Variants in CCDC186 observed in about 807,000 individuals in gnomAD.
CCDC186 encodes the protein coiled-coil domain containing 186.
Under a neutral mutation model 113.7 loss-of-function variants are expected in CCDC186, and 49 were observed. That is an observed-to-expected ratio of 0.43 (90% CI 0.34 to 0.55). CCDC186 has a LOEUF of 0.55. Ranked by LOEUF, CCDC186 falls within the 20% of genes least tolerant of loss-of-function variation. The pLI is 0.02. For synonymous variants in CCDC186, 355 were observed against 345.8 expected, an observed-to-expected ratio of 1.03 and a Z score of -0.30; for missense variants, 890 against 1,011.1, an observed-to-expected ratio of 0.88 and a Z score of 1.62.
At position 114,136,159 on chromosome 10, in the gene CCDC186, C is replaced by T. The variant is rs547094396; in HGVS notation, c.1414G>A (p.Asp472Asn). 9 of 1,612,306 alleles carry T rather than the reference C, an allele frequency of 5.6e-6. No individual in the cohort carries two copies. In the South Asian group the frequency reaches 9.9e-5, roughly 18 times the overall value. Residue 472 changes from aspartate to asparagine, a missense_variant, in exon 8 of 16, where the codon GAC becomes AAC. Transcript: ENST00000369287. ...ELEKQMQEKS[D>N]QLEMHHAKIK... is the part of the protein sequence containing the mutation. Reference sequence around the variant, plus strand: ...GCAAAACTACTCACCTCTAGCTGGTCAGATTTTTCTTGCATTTGTTTTTCA... The same window carrying T: ...GCAAAACTACTCACCTCTAGCTGGTTAGATTTTTCTTGCATTTGTTTTTCA...
At chr10:114,130,206 A>AAC in intron 12 of CCDC186, 1 of 304,040 alleles carries the variant, frequency 3.3e-6, no homozygotes, top group Non-Finnish European at 6.1e-6. Context: ...TCACTTAATT[A>AAC]CAGTGGAGTT....
chr10:114,166,121 G>T (rs1347462185), intron 1 of CCDC186, among the ~76,000 whole-genome samples: 1 of 152,174 alleles, frequency 6.6e-6, no homozygotes. Context: ...TACACTGTAT[G>T]ACTGGAGACC....
At chr10:114,162,550 A>T (rs372786892) in intron 2 of CCDC186, 87 bp downstream of exon 2, 1 of 1,006,734 alleles carries the variant, frequency 9.9e-7, no homozygotes. Flanking sequence ...AAAAATGAAC[A>T]AAATGGTATT....
intron 10 of CCDC186, 77 bp from the exon 11 acceptor site, chr10:114,132,261 T>A: frequency 9.6e-7 from 1 of 1,039,844 alleles, no homozygotes; most frequent in Non-Finnish European, 1.3e-6. Flanking sequence ...AATTTTCATC[T>A]AGTCAAATGC....
rs71007456 is a variant in CCDC186, at chr10:114,139,562, C to CA, written c.1222-2273dup. Among the ~76,000 whole-genome samples, 168 of 112,018 alleles carry CA rather than the reference C, an allele frequency of 1.5e-3. 1 individual carries two copies. The highest frequency in any genetic ancestry group is 0.011 in the Middle Eastern group (2 of 186). The allele number at this position is 112,018 out of a possible 152,430, so 73.5% of individuals were successfully genotyped here. On this transcript the variant is annotated intron_variant, in intron 6 of 15. Coordinates refer to ENST00000369287, the MANE Select transcript of CCDC186 (RefSeq NM_018017.4). Reference sequence around the variant, plus strand: ...TAGGCAACAGAGCAAGACTCCATCTCAAAAAAAAAAAAGAAAAGAAAAAAA... The same window carrying CA: ...TAGGCAACAGAGCAAGACTCCATCTCAAAAAAAAAAAAAGAAAAGAAAAAAA...
chr10:114,145,544 T>G lies in CCDC186; in HGVS notation c.1101+5A>C, dbSNP rs2031608746. 2 of 1,593,346 alleles carry G rather than the reference T, an allele frequency of 1.3e-6. No homozygotes were observed. Among genetic ancestry groups the G allele is most frequent in the East Asian group, 4.5e-5 (2 of 44,684 alleles). On this transcript the variant is annotated splice_donor_5th_base_variant and intron_variant, in intron 5 of 15. Transcript: ENST00000369287. The stretch of plus-strand genomic sequence containing the variant: ...TCAACATATTTCAAATGGCACAAGT[T>G]ATACCTTAGTTTCATACAGCTGGTG...
chr10:114,126,414 T>G (rs1384340434), intron 14 of CCDC186, among the ~76,000 whole-genome samples: 1 of 152,204 alleles, frequency 6.6e-6, no homozygotes, highest in African/African-American at 2.4e-5. Flanking sequence ...TGGAGTGCAG[T>G]GACACAAACA....
In CCDC186 at chr10:114,131,340, A is replaced by C; in HGVS notation, c.1912-4T>G. ...CCTCTTTCAACAACCTACTTTCCTG[A>C]ATAGTAAGTAAAACAAAAACCACCA... On this transcript the variant is annotated splice_region_variant and splice_polypyrimidine_tract_variant and intron_variant, in intron 11 of 15. Coordinates refer to ENST00000369287, the MANE Select transcript of CCDC186 (RefSeq NM_018017.4). 1.3e-6 allele frequency: 2 copies of C among 1,545,700 alleles called. No homozygotes were observed.
chr10:114,144,349 T>C (rs1352486296), intron 6 of CCDC186, 148 bp downstream of exon 6: 4 of 923,668 alleles, frequency 4.3e-6, no homozygotes, highest in Non-Finnish European at 6.2e-6. Context: ...TAAACTAAGC[T>C]TCATGCCTCA....
intron 6 of CCDC186, among the ~76,000 whole-genome samples, chr10:114,141,979 T>A: frequency 6.6e-6 from 1 of 152,220 alleles, no homozygotes; most frequent in East Asian, 1.9e-4. Context: ...AATTTGGACC[T>A]TGTTATTCCA....
At chr10:114,134,779 G>C in intron 10 of CCDC186, 134 bp downstream of exon 10, 1 of 921,642 alleles carries the variant, frequency 1.1e-6, no homozygotes, top group Non-Finnish European at 1.6e-6. Flanking sequence ...TTCAGATAAA[G>C]AGAAAATATT....
At position 114,145,536 on chromosome 10, in the gene CCDC186, G is replaced by T; in HGVS notation, c.1101+13C>A. ...AAATAAGGTCAACATATTTCAAATG[G>T]CACAAGTTATACCTTAGTTTCATAC... On this transcript the variant is annotated intron_variant, in intron 5 of 15. Transcript: ENST00000369287. The T allele has an allele frequency of 3.2e-6, 5 of 1,569,926 alleles. No individual in the cohort carries two copies. The highest frequency in any genetic ancestry group is 4.3e-6 in the Non-Finnish European group (5 of 1,163,654).
At chr10:114,164,881 A>C (rs1564919378) in intron 1 of CCDC186, among the ~76,000 whole-genome samples, 1 of 152,218 alleles carries the variant, frequency 6.6e-6, no homozygotes, top group Non-Finnish European at 1.5e-5. Flanking sequence ...GCAGGAGTGA[A>C]TTTTGTTAAG....
intron 1 of CCDC186, chr10:114,165,993 G>A (rs964114489): frequency 6.4e-6 from 6 of 933,770 alleles, no homozygotes; most frequent in South Asian, 9.9e-5. Context: ...GCTAGAACCT[G>A]TCTTAATTTC....
intron 13 of CCDC186, 24 bp downstream of exon 13, chr10:114,129,864 TAAC>T: frequency 6.2e-7 from 1 of 1,601,896 alleles, no homozygotes; most frequent in South Asian, 1.1e-5. Flanking sequence ...AATCATGAAA[TAAC>T]AACTAGAGCC....
chr10:114,126,296 G>C (rs867197498), intron 14 of CCDC186, among the ~76,000 whole-genome samples, 191 bp from the exon 15 acceptor site: 1 of 152,010 alleles, frequency 6.6e-6, no homozygotes, highest in Non-Finnish European at 1.5e-5. Context: ...TGTAGCATTC[G>C]GAGTAAAGAC....
In CCDC186 at chr10:114,124,932, C is replaced by T; in HGVS notation, c.*211G>A. 2.4e-6 allele frequency: 1 copy of T among 417,748 alleles called. No individual in the cohort carries two copies. Among genetic ancestry groups the T allele is most frequent in the Non-Finnish European group, 4.2e-6 (1 of 236,170 alleles). The allele number at this position is 417,748 out of a possible 1,614,324, so 25.9% of individuals were successfully genotyped here. On this transcript the variant is annotated 3_prime_UTR_variant, in exon 16 of 16. Coordinates refer to ENST00000369287, the MANE Select transcript of CCDC186 (RefSeq NM_018017.4). ...TCAATGACAGGCTGTCATATTGCAC[C>T]ATACAAAAACAAATTTCATCAAAGC...
In CCDC186 at chr10:114,157,418, C is replaced by T. The variant is rs914438028; in HGVS notation, c.759+136G>A. On this transcript the variant is annotated intron_variant, in intron 3 of 15. Transcript: ENST00000369287. The stretch of plus-strand genomic sequence containing the variant: ...TGTTGCCCAGGCTGGTCTCAAACTC[C>T]TGGGCTCAAGTAATCCGCCCACCTT... 33 of 672,002 alleles carry T rather than the reference C, an allele frequency of 4.9e-5. 2 individuals are homozygous for T. The highest frequency in any genetic ancestry group is 7.2e-5 in the Non-Finnish European group (32 of 443,616). The allele number at this position is 672,002 out of a possible 1,614,324, so 41.6% of individuals were successfully genotyped here.
In CCDC186 at chr10:114,125,168, A is replaced by C. The variant is rs147413442; in HGVS notation, c.2672T>G (p.Leu891Arg). 4.3e-5 allele frequency: 70 copies of C among 1,610,758 alleles called. No individual in the cohort carries two copies. In the African/African-American group the frequency reaches 7.2e-4, roughly 17 times the overall value. The change falls in exon 16 of 16, where the codon CTA becomes CGA. Residue 891 changes from leucine to arginine, a missense_variant. Leu to Arg is a moderately radical substitution (Grantham distance 102). Coordinates refer to ENST00000369287, the MANE Select transcript of CCDC186 (RefSeq NM_018017.4). The part of the protein sequence containing the change: ...IERLIKHQHE[L>R]EQRTKKT ...TTAGGTTTTCTTTGTCCTCTGTTCT[A>C]GTTCATGCTGGTGTTTAATAAGACG...
Sources: allele counts gnomAD v4.1 joint callset (sites outside exome capture counted in the v4.1 genomes callset), GRCh38; gene constraint gnomAD v4.1.1; transcripts MANE v1.5; gene names NCBI Gene and HGNC (gene_info 2026-07-23, HGNC 2026-07-21).